The following CBFA2T3 variants were observed in gnomAD, a reference collection of about 807,000 sequenced individuals.
CBFA2T3 encodes CBFA2/RUNX1 partner transcriptional co-repressor 3.
CBFA2T3 carries 31 observed loss-of-function variants against 58.6 expected under a neutral mutation model. The ratio of observed to expected loss-of-function variants is 0.53; its 90% confidence interval spans 0.40 to 0.71. CBFA2T3 has a LOEUF of 0.71. CBFA2T3 is among the 30% of genes least tolerant of loss of function. CBFA2T3 has a pLI of 0.00. For synonymous variants in CBFA2T3, 531 were observed against 421.9 expected, an observed-to-expected ratio of 1.26 and a Z score of -3.17; for missense variants, 1,076 against 963.1, an observed-to-expected ratio of 1.12 and a Z score of -1.55.
At chr16:88,930,134 C>T (rs1360952059) in intron 1 of CBFA2T3, among the ~76,000 whole-genome samples, 7 of 147,344 alleles carry the variant, frequency 4.8e-5, no homozygotes, top group African/African-American at 1.6e-4. Flanking sequence ...GCATGGTCCA[C>T]GTAAAAGCTA....
chr16:88,898,921 G>A (rs1053392061), intron 2 of CBFA2T3, among the ~76,000 whole-genome samples: 4 of 152,238 alleles, frequency 2.6e-5, no homozygotes, highest in Non-Finnish European at 5.9e-5. Flanking sequence ...GCAGGCCACA[G>A]GAAGACAGGC....
intron 1 of CBFA2T3, among the ~76,000 whole-genome samples, chr16:88,944,805 A>C (rs1302322133): frequency 1.3e-5 from 2 of 152,220 alleles, no homozygotes; most frequent in Non-Finnish European, 2.9e-5. Context: ...GCCCTGGCCA[A>C]AGGGCAGGCG....
At chr16:88,942,985 T>G (rs1971794764) in intron 1 of CBFA2T3, among the ~76,000 whole-genome samples, 1 of 152,246 alleles carries the variant, frequency 6.6e-6, no homozygotes, top group Non-Finnish European at 1.5e-5. Context: ...ACCGATTTTA[T>G]GCTCGAAATT....
At position 88,976,655 on chromosome 16, in the gene CBFA2T3, ACCTGGGCCGC is replaced by A. The variant is rs1972869132; in HGVS notation, c.143_151+1del. ...CCACCACCTTCCCCTCGAGCCTCTT[ACCTGGGCCGC>A]CCTTCCTGGGACCCCGGGGTGCGGA... On this transcript the variant is annotated splice_donor_variant and coding_sequence_variant, in exon 1 of 12. Coordinates refer to ENST00000268679, the MANE Select transcript of CBFA2T3 (RefSeq NM_005187.6). LOFTEE classifies it high-confidence loss of function. The A allele has an allele frequency of 6.4e-7, 1 of 1,557,392 alleles. No individual in the cohort carries two copies. The highest frequency in any genetic ancestry group is 8.7e-7 in the Non-Finnish European group (1 of 1,150,290).
chr16:88,965,713 C>T (rs1972484494), intron 1 of CBFA2T3, among the ~76,000 whole-genome samples: 2 of 152,204 alleles, frequency 1.3e-5, no homozygotes, highest in Non-Finnish European at 2.9e-5. Flanking sequence ...GAAAACCTCT[C>T]TAGTGGCTCC....
intron 3 of CBFA2T3, among the ~76,000 whole-genome samples, chr16:88,895,601 A>C (rs1248644619): frequency 6.6e-6 from 1 of 151,996 alleles, no homozygotes; most frequent in African/African-American, 2.4e-5. Flanking sequence ...TGTGCTCTGG[A>C]TGTTCTTGGT....
chr16:88,901,790 T>C (rs1475443985), intron 1 of CBFA2T3, 134 bp from the exon 2 acceptor site: 3 of 741,522 alleles, frequency 4.0e-6, no homozygotes, highest in Non-Finnish European at 6.1e-6. Flanking sequence ...CCAGGTGTCC[T>C]GACAGGTGGC....
intron 1 of CBFA2T3, among the ~76,000 whole-genome samples, chr16:88,922,662 G>A (rs1341623219): frequency 6.6e-6 from 1 of 152,194 alleles, no homozygotes; most frequent in African/African-American, 2.4e-5. Context: ...GCCAACCCAC[G>A]CCTGTTCCTG....
chr16:88,882,879 T>C (rs1597660993), intron 7 of CBFA2T3, 118 bp from the exon 8 acceptor site: 3 of 726,632 alleles, frequency 4.1e-6, no homozygotes, highest in African/African-American at 3.5e-5. Context: ...CTGGGGACGA[T>C]GGACAGGGTA....
intron 1 of CBFA2T3, among the ~76,000 whole-genome samples, chr16:88,935,444 G>C (rs1290643515): frequency 6.6e-6 from 1 of 152,208 alleles, no homozygotes; most frequent in Non-Finnish European, 1.5e-5. Flanking sequence ...CTCCCAAGTG[G>C]GAATTCTGCC....
intron 1 of CBFA2T3, chr16:88,941,158 G>A (rs1282273886): frequency 2.5e-5 from 25 of 983,514 alleles, no homozygotes; most frequent in Non-Finnish European, 2.9e-5. Flanking sequence ...GCGCCGCACC[G>A]GGCTCAGGCG....
Position 88,953,897 on chromosome 16 carries a change from A to T in CBFA2T3, c.151+22760T>A, listed in dbSNP as rs370545627. Among the ~76,000 whole-genome samples the T allele has an allele frequency of 9.9e-5, 15 of 152,214 alleles. No homozygotes were observed. In the East Asian group the frequency reaches 2.1e-3, roughly 22 times the overall value. ...TCACCTGCATTGGGCTGGTGAGGACAGGGACAGAGATGCCCACAGAGCAGG... is the reference window on the plus strand; with the variant it reads ...TCACCTGCATTGGGCTGGTGAGGACTGGGACAGAGATGCCCACAGAGCAGG... On this transcript the variant is annotated intron_variant, in intron 1 of 11. Transcript: ENST00000268679. This position sits in a 1 kb window ranked among gnomAD's most constrained non-coding sequence, Gnocchi z 4.9.
intron 2 of CBFA2T3, 116 bp downstream of exon 2, chr16:88,901,388 A>T (rs1288211678): frequency 1.8e-6 from 1 of 556,682 alleles, no homozygotes. Flanking sequence ...AGCTCCTCAC[A>T]CTCAGGGCTC....
chr16:88,912,896 G>C (rs927876834), intron 1 of CBFA2T3, among the ~76,000 whole-genome samples: 9 of 152,242 alleles, frequency 5.9e-5, no homozygotes, highest in African/African-American at 2.2e-4. Flanking sequence ...CCTCCCGGGG[G>C]TGCGTCTGAG....
At chr16:88,948,777 C>G (rs751760279) in intron 1 of CBFA2T3, among the ~76,000 whole-genome samples, 1 of 152,222 alleles carries the variant, frequency 6.6e-6, no homozygotes, top group Non-Finnish European at 1.5e-5. Context: ...GGGCTAAGAG[C>G]TGGCTGGCCT....
At chr16:88,892,100 G>T in intron 4 of CBFA2T3, 129 bp from the exon 5 acceptor site, 1 of 1,355,996 alleles carries the variant, frequency 7.4e-7, no homozygotes, top group Non-Finnish European at 1.0e-6. Flanking sequence ...GGCACGGCCT[G>T]AGAGGGTGCA....
At position 88,885,161 on chromosome 16, in the gene CBFA2T3, C is replaced by A. The variant is rs373798911; in HGVS notation, c.1002G>T (p.Pro334=). The change falls in exon 7 of 12, where the codon CCG becomes CCT. Residue 334 remains proline, a synonymous_variant. Transcript: ENST00000268679. The surrounding 1 kb of genome is among the most constrained non-coding windows in gnomAD (Gnocchi z 5.3). ...AQRYSPSNGP[P]QPTPPPHYRL... ...GGTAGTGCGGCGGCGGTGTGGGCTG[C>A]GGTGGCCCGTTGCTGGGGCTGTAGC... The A allele has an allele frequency of 6.2e-7, 1 of 1,601,790 alleles. No individual in the cohort carries two copies. Among genetic ancestry groups the A allele is most frequent in the Non-Finnish European group, 8.5e-7 (1 of 1,174,548 alleles).
intron 1 of CBFA2T3, among the ~76,000 whole-genome samples, chr16:88,966,847 G>C (rs1475280854): frequency 6.6e-6 from 1 of 152,126 alleles, no homozygotes; most frequent in Non-Finnish European, 1.5e-5. Context: ...CTGCCCCTCA[G>C]AGACCAGGCG....
chr16:88,937,426 G>C (rs74033204), intron 1 of CBFA2T3: 2,298 of 152,870 alleles, frequency 0.015, 54 homozygotes, highest in African/African-American at 0.053. Context: ...CTGCCCCTGC[G>C]AGGCAGCGGG....
Sources: allele counts gnomAD v4.1 joint callset (sites outside exome capture counted in the v4.1 genomes callset), GRCh38; gene constraint gnomAD v4.1.1; non-coding constraint Gnocchi (gnomAD v3.1); transcripts MANE v1.5; gene names NCBI Gene and HGNC (gene_info 2026-07-23, HGNC 2026-07-21).